The following CA10 variants were observed in gnomAD, a reference collection of about 807,000 sequenced individuals.
CA10 encodes the protein carbonic anhydrase-related protein 10.
In CA10, 14 loss-of-function variants were observed where a neutral mutation model predicts 44.2. The observed-to-expected ratio is 0.32, with a 90% confidence interval of 0.21 to 0.50. The LOEUF (loss-of-function observed/expected upper bound fraction) is 0.50. CA10 is among the 20% of genes least tolerant of loss of function. The pLI, the probability that CA10 is intolerant of heterozygous loss-of-function variation, is 0.99. For synonymous variants in CA10, 159 were observed against 141.6 expected, an observed-to-expected ratio of 1.12 and a Z score of -0.87; for missense variants, 350 against 409.7, an observed-to-expected ratio of 0.85 and a Z score of 1.26.
chr17:51,975,335 C>A (rs1368326465), intron 2 of CA10, among the ~76,000 whole-genome samples: 1 of 152,134 alleles, frequency 6.6e-6, no homozygotes, highest in Non-Finnish European at 1.5e-5. Flanking sequence ...TAAGTGTCAA[C>A]AGACTAAATG....
At chr17:52,068,988 C>T (rs569309714) in intron 2 of CA10, among the ~76,000 whole-genome samples, 1 of 152,222 alleles carries the variant, frequency 6.6e-6, no homozygotes, top group African/African-American at 2.4e-5. Context: ...AGGCAGGAGG[C>T]CTAGGGAAAT....
Position 51,826,386 on chromosome 17 carries a change from G to T in CA10, c.280-78568C>A, listed in dbSNP as rs116646787. Among the ~76,000 whole-genome samples the T allele has an allele frequency of 7.9e-3, 1,197 of 152,286 alleles. 12 individuals are homozygous for T. The highest frequency in any genetic ancestry group is 0.025 in the African/African-American group (1,055 of 41,560). ...TTCCAGCTCCAACGTGAGGAAAGCA[G>T]CTTCTTCTTGTGTAAAATATGGATA... On this transcript the variant is annotated intron_variant, in intron 3 of 8. Coordinates refer to ENST00000451037, the MANE Select transcript of CA10 (RefSeq NM_020178.5).
At chr17:51,670,287 C>T (rs1914367971) in intron 4 of CA10, among the ~76,000 whole-genome samples, 1 of 152,194 alleles carries the variant, frequency 6.6e-6, no homozygotes, top group Admixed American at 6.5e-5. Flanking sequence ...CAGAGGTCAT[C>T]TCATTCAGTT....
intron 2 of CA10, among the ~76,000 whole-genome samples, chr17:52,029,948 A>T (rs1395347146): frequency 6.6e-6 from 1 of 152,226 alleles, no homozygotes; most frequent in Non-Finnish European, 1.5e-5. Context: ...TTTAAGAGAG[A>T]AAGACTTTTA....
chr17:52,131,648 G>A (rs973835984), intron 1 of CA10, among the ~76,000 whole-genome samples: 1 of 152,118 alleles, frequency 6.6e-6, no homozygotes, highest in South Asian at 2.1e-4. Flanking sequence ...ACTAAAATAG[G>A]TAGTCAGAAT....
chr17:52,083,004 G>A (rs1235913442), intron 1 of CA10, among the ~76,000 whole-genome samples: 1 of 152,124 alleles, frequency 6.6e-6, no homozygotes, highest in African/African-American at 2.4e-5. Context: ...AAGAGTACAA[G>A]TCCATGCCTA....
At chr17:51,984,413 G>A (rs1276681793) in intron 2 of CA10, among the ~76,000 whole-genome samples, 2 of 151,692 alleles carry the variant, frequency 1.3e-5, no homozygotes, top group South Asian at 2.1e-4. Context: ...GGCTGAAAGA[G>A]CTCAAACTGA....
intron 2 of CA10, among the ~76,000 whole-genome samples, chr17:51,965,814 G>A (rs1984058796): frequency 6.6e-6 from 1 of 151,958 alleles, no homozygotes; most frequent in South Asian, 2.1e-4. Context: ...ATAAAACAAG[G>A]ATGCCCATTC....
chr17:52,082,396 TTC>T (rs759638455), intron 1 of CA10, among the ~76,000 whole-genome samples: 1 of 152,234 alleles, frequency 6.6e-6, no homozygotes, highest in Non-Finnish European at 1.5e-5. Flanking sequence ...ATAATTTTGC[TTC>T]TTTCACCAAA....
At chr17:51,717,823 GTGTGTGTATATATATATATA>G (rs1567815596) in intron 4 of CA10, among the ~76,000 whole-genome samples, 2 of 9,970 alleles carry the variant, frequency 2.0e-4, no homozygotes, top group African/African-American at 7.4e-4. Flanking sequence ...GTATATATAT[GTGTGTGTATATATATATATA>G]TATATATATA....
At chr17:51,717,745 A>G (rs373417497) in intron 4 of CA10, among the ~76,000 whole-genome samples, 560 of 21,456 alleles carry the variant, frequency 0.026, 64 homozygotes, top group African/African-American at 0.045. Context: ...ACGTATATAT[A>G]CATGTATATA....
At chr17:52,002,467 T>C (rs888942258) in intron 2 of CA10, among the ~76,000 whole-genome samples, 1 of 151,912 alleles carries the variant, frequency 6.6e-6, no homozygotes, top group African/African-American at 2.4e-5. Context: ...GAACAGAGAA[T>C]GTAGAGGAGG....
chr17:51,991,061 C>T (rs1373947937), intron 2 of CA10, among the ~76,000 whole-genome samples: 2 of 152,124 alleles, frequency 1.3e-5, no homozygotes, highest in South Asian at 4.1e-4. Context: ...ATGTTTTTAA[C>T]TGTGTCAACG....
chr17:51,827,489 C>G (rs559470292), intron 3 of CA10, among the ~76,000 whole-genome samples: 3 of 152,288 alleles, frequency 2.0e-5, no homozygotes, highest in African/African-American at 7.2e-5. Flanking sequence ...ACATTACAAG[C>G]TTTCTTACTT....
intron 3 of CA10, among the ~76,000 whole-genome samples, chr17:51,815,058 A>G (rs1907512683): frequency 6.6e-6 from 1 of 152,130 alleles, no homozygotes; most frequent in South Asian, 2.1e-4. Context: ...AACACCAACA[A>G]TTAGGTAAAG....
At chr17:51,812,671 C>G (rs76509320) in intron 3 of CA10, among the ~76,000 whole-genome samples, 5,127 of 152,268 alleles carry the variant, frequency 0.034, 294 homozygotes, top group African/African-American at 0.12. Context: ...TTCTCCTGCC[C>G]TCTGGTATAA....
At chr17:52,159,756 A>T (rs1187122178), upstream of CA10, 1 of 152,218 alleles carries the variant, frequency 6.6e-6, no homozygotes, top group Non-Finnish European at 1.5e-5. Flanking sequence ...TCTATAACCT[A>T]GGAAAGACTT....
chr17:51,915,468 C>T (rs1255615286), intron 3 of CA10, among the ~76,000 whole-genome samples: 1 of 152,152 alleles, frequency 6.6e-6, no homozygotes, highest in Non-Finnish European at 1.5e-5. Flanking sequence ...GTTTGTGTAA[C>T]ATTCAGCTTT....
At chr17:52,048,044 T>TAAAAA (rs5820901) in intron 2 of CA10, among the ~76,000 whole-genome samples, 1 of 149,422 alleles carries the variant, frequency 6.7e-6, no homozygotes, top group Non-Finnish European at 1.5e-5. Context: ...CCACAAAAAT[T>TAAAAA]AAAAAAAAAA....
Sources: allele counts gnomAD v4.1 joint callset (sites outside exome capture counted in the v4.1 genomes callset), GRCh38; gene constraint gnomAD v4.1.1; transcripts MANE v1.5; gene names NCBI Gene and HGNC (gene_info 2026-07-23, HGNC 2026-07-21).